The following TYW1 variants were observed in gnomAD, a reference collection of about 807,000 sequenced individuals.
The protein encoded by TYW1 is tRNA-yW synthesizing protein 1 homolog.
TYW1 carries 46 observed loss-of-function variants against 96.2 expected under a neutral mutation model. The observed-to-expected ratio is 0.48, with a 90% CI of 0.38 to 0.61. TYW1 has a LOEUF of 0.61. Ranked by LOEUF, TYW1 falls within the 20% of genes least tolerant of loss-of-function variation. TYW1 has a pLI of 0.00. For missense variants in TYW1, 684 were observed against 909.6 expected, an observed-to-expected ratio of 0.75 and a Z score of 3.19; for synonymous variants, 274 against 323.0, an observed-to-expected ratio of 0.85 and a Z score of 1.63.
In TYW1 at chr7:67,136,380, A is replaced by AAC. The variant is rs1798255134; in HGVS notation, c.1698+18762_1698+18763insAC. ...TTTTCATGGGTTAGCGTATGAAACT[A>AAC]TTACAGTTATGTAATTCTGTAGTGA... On this transcript the variant is annotated intron_variant, in intron 13 of 15. Transcript: ENST00000359626. 2.0e-5 allele frequency among the ~76,000 whole-genome samples: 3 copies of AAC among 152,214 alleles called. No individual in the cohort carries two copies. The South Asian group carries it at 6.2e-4, about 31-fold the overall frequency.
rs956643358 is a variant in TYW1 at position 67,133,799 on chromosome 7, A to G, written c.1698+16181A>G. 1.3e-4 allele frequency among the ~76,000 whole-genome samples: 20 copies of G among 150,774 alleles called. No homozygotes were observed. The South Asian group carries it at 1.9e-3, about 14-fold the overall frequency. On this transcript the variant is annotated intron_variant, in intron 13 of 15. Coordinates refer to ENST00000359626, the MANE Select transcript of TYW1 (RefSeq NM_018264.4). ...TTAATAGCCTTTCCATACCTTGCCC[A>G]TTTCTCCGTTGGCTGTTTGCCTTTG...
At chr7:67,189,336 G>C (rs1389225282) in intron 14 of TYW1, among the ~76,000 whole-genome samples, 5 of 151,874 alleles carry the variant, frequency 3.3e-5, no homozygotes, top group African/African-American at 1.2e-4. Context: ...GTGTGTGCAT[G>C]TGTGTGGTGT....
intron 7 of TYW1, among the ~76,000 whole-genome samples, chr7:67,029,151 A>G (rs1794558244): frequency 2.0e-5 from 3 of 151,786 alleles, no homozygotes; most frequent in Admixed American, 6.6e-5. Context: ...GGCGCCTGCC[A>G]CTGCGCCCAG....
At chr7:67,172,901 C>T (rs1313364062) in intron 13 of TYW1, among the ~76,000 whole-genome samples, 2 of 151,882 alleles carry the variant, frequency 1.3e-5, no homozygotes, top group East Asian at 3.9e-4. Context: ...AGGAGGATCA[C>T]TTGAGTCCAG....
chr7:67,227,312 A>G (rs1420842266), intron 15 of TYW1, among the ~76,000 whole-genome samples: 2 of 152,150 alleles, frequency 1.3e-5, no homozygotes, highest in Non-Finnish European at 2.9e-5. Context: ...GCTGGAATGC[A>G]GTGGCACGAT....
intron 13 of TYW1, among the ~76,000 whole-genome samples, chr7:67,166,479 A>G (rs1226299828): frequency 6.6e-6 from 1 of 151,318 alleles, no homozygotes; most frequent in African/African-American, 2.4e-5. Flanking sequence ...CAGCCAGCAA[A>G]TAGCTCAAGA....
chr7:67,000,075 A>G (rs1376650193), intron 3 of TYW1, among the ~76,000 whole-genome samples: 2 of 151,744 alleles, frequency 1.3e-5, no homozygotes, highest in African/African-American at 4.8e-5. Flanking sequence ...ATCTGGGACT[A>G]TAGGTGCATG....
intron 13 of TYW1, among the ~76,000 whole-genome samples, chr7:67,137,516 G>A (rs10263753): frequency 0.63 from 95,743 of 151,870 alleles, 30,368 homozygotes; most frequent in Middle Eastern, 0.72. Flanking sequence ...TTAAAAGATT[G>A]TATTTGACAG....
chr7:67,014,311 C>A lies in TYW1; in HGVS notation c.376-56C>A, dbSNP rs1357314533. On this transcript the variant is annotated intron_variant, in intron 4 of 15. Transcript: ENST00000359626. Reference sequence around the variant, plus strand: ...ATGCTTTTTTTCAAAGGATTTTCTTCATTGAGATAATTTATGCCTTGTATG... The same window carrying A: ...ATGCTTTTTTTCAAAGGATTTTCTTAATTGAGATAATTTATGCCTTGTATG... The A allele has an allele frequency of 3.3e-6, 5 of 1,524,502 alleles. No homozygotes were observed. In the African/African-American group the frequency reaches 6.9e-5, roughly 21 times the overall value. 94.4% of individuals were successfully genotyped at this position (1,524,502 alleles called of 1,614,324 possible).
chr7:67,042,343 ACTT>A (rs34038747), intron 7 of TYW1, among the ~76,000 whole-genome samples: 39,035 of 151,682 alleles, frequency 0.26, 5,150 homozygotes, highest in East Asian at 0.46. Flanking sequence ...ACTATTTAAG[ACTT>A]CTTCTAGGAC....
intron 13 of TYW1, among the ~76,000 whole-genome samples, chr7:67,168,834 C>T (rs898560313): frequency 3.9e-5 from 6 of 152,084 alleles, no homozygotes; most frequent in Non-Finnish European, 8.8e-5. Flanking sequence ...GCCTCAGCCT[C>T]CCGAGTAGCT....
intron 7 of TYW1, among the ~76,000 whole-genome samples, chr7:67,032,901 T>G (rs1257883637): frequency 7.7e-6 from 1 of 130,224 alleles, no homozygotes; most frequent in Non-Finnish European, 1.6e-5. Context: ...TTTTTTTTTT[T>G]TTTTTTTTTT....
chr7:67,034,030 G>T (rs1794752261), intron 7 of TYW1, among the ~76,000 whole-genome samples: 2 of 151,560 alleles, frequency 1.3e-5, no homozygotes, highest in Non-Finnish European at 2.9e-5. Context: ...CTGTTTCTCA[G>T]ATATGTCTTT....
At position 67,101,618 on chromosome 7, in the gene TYW1, C is replaced by T. The variant is rs190587524; in HGVS notation, c.1562+2900C>T. Among the ~76,000 whole-genome samples, 1,479 of 152,146 alleles carry T rather than the reference C, an allele frequency of 9.7e-3. 24 individuals are homozygous for T. Among genetic ancestry groups the T allele is most frequent in the African/African-American group, 0.034 (1,420 of 41,510 alleles). ...GCAACCTCCGCCTCCCAGATTCAAG[C>T]GATTCTCCTGCCTCAGTCTCCCCAG... On this transcript the variant is annotated intron_variant, in intron 12 of 15. Transcript: ENST00000359626.
chr7:67,052,768 G>C (rs1670778179), intron 8 of TYW1, among the ~76,000 whole-genome samples: 2 of 152,034 alleles, frequency 1.3e-5, no homozygotes. Flanking sequence ...GTCTCACTCT[G>C]TTGCCCAGGC....
At chr7:67,012,075 C>T (rs1490658387) in intron 4 of TYW1, among the ~76,000 whole-genome samples, 4 of 151,582 alleles carry the variant, frequency 2.6e-5, no homozygotes, top group East Asian at 1.9e-4. Context: ...AGAGGCCAGG[C>T]GTGGTGGCTC....
intron 4 of TYW1, among the ~76,000 whole-genome samples, chr7:67,010,117 G>A (rs1273815014): frequency 1.3e-5 from 2 of 151,782 alleles, no homozygotes; most frequent in African/African-American, 2.4e-5. Context: ...AAGTAGCTGG[G>A]ATTTACAGGC....
chr7:67,160,035 C>A (rs986107308), intron 13 of TYW1, among the ~76,000 whole-genome samples: 1 of 152,186 alleles, frequency 6.6e-6, no homozygotes, highest in Non-Finnish European at 1.5e-5. Context: ...ATCTCCTGAC[C>A]TCGTGATCAG....
intron 9 of TYW1, among the ~76,000 whole-genome samples, chr7:67,061,274 G>C (rs186254401): frequency 1.3e-5 from 2 of 152,250 alleles, no homozygotes; most frequent in Non-Finnish European, 2.9e-5. Flanking sequence ...TTTTAAGCCA[G>C]CTGGAGAATT....
Sources: allele counts gnomAD v4.1 joint callset (sites outside exome capture counted in the v4.1 genomes callset), GRCh38; gene constraint gnomAD v4.1.1; transcripts MANE v1.5; gene names NCBI Gene and HGNC (gene_info 2026-07-23, HGNC 2026-07-21).